SDCCAG8: variants seen among roughly 807,000 people sequenced by gnomAD.
SDCCAG8 encodes SHH signaling and ciliogenesis regulator SDCCAG8, also known as serologically defined colon cancer antigen 8.
SDCCAG8 carries 74 observed loss-of-function variants against 101.8 expected under a neutral mutation model. That is an observed-to-expected ratio of 0.73 (90% confidence interval 0.60 to 0.88). The LOEUF is 0.88. Ranked by LOEUF, SDCCAG8 falls within the 40% of genes least tolerant of loss-of-function variation. SDCCAG8 has a pLI of 0.00. For missense variants in SDCCAG8, 787 were observed against 822.6 expected (o/e 0.96, Z 0.53); for synonymous variants, 281 against 292.9 (o/e 0.96, Z 0.41).
intron 1 of SDCCAG8, 150 bp from the exon 2 acceptor site, chr1:243,269,955 T>A (rs2067950741): frequency 9.6e-7 from 1 of 1,046,488 alleles, no homozygotes; most frequent in Non-Finnish European, 1.4e-6. Flanking sequence ...CTTTGGCACA[T>A]CCCTCAGCAA....
chr1:243,447,701 GAGAGTC>G (rs1323831393), intron 16 of SDCCAG8, among the ~76,000 whole-genome samples: 1 of 152,152 alleles, frequency 6.6e-6, no homozygotes, highest in Non-Finnish European at 1.5e-5. Context: ...GTACTTTTTA[GAGAGTC>G]AGAATGTACA....
chr1:243,427,167 C>T (rs2148045468), intron 16 of SDCCAG8, among the ~76,000 whole-genome samples: 1 of 152,266 alleles, frequency 6.6e-6, no homozygotes, highest in East Asian at 1.9e-4. Flanking sequence ...AGGCCACCCA[C>T]TAAATGTCAT....
chr1:243,356,727 G>A lies in SDCCAG8; in HGVS notation c.1473+12396G>A, dbSNP rs190551918. ...ATGCTAGACATGGTGGCTTACTCCC[G>A]TAATCTTAGCACTTCAGGTGTCCCA... On this transcript the variant is annotated intron_variant, in intron 12 of 17. Transcript: ENST00000366541. Among the ~76,000 whole-genome samples, 21 of 152,052 alleles carry A rather than the reference G, an allele frequency of 1.4e-4. No individual in the cohort carries two copies. In the East Asian group the frequency reaches 2.5e-3, roughly 18 times the overall value.
chr1:243,498,608 C>G (rs1668664672), intron 17 of SDCCAG8, among the ~76,000 whole-genome samples: 1 of 152,250 alleles, frequency 6.6e-6, no homozygotes, highest in African/African-American at 2.4e-5. Flanking sequence ...GGGAAATCTA[C>G]TTGAAATGTA....
intron 6 of SDCCAG8, among the ~76,000 whole-genome samples, chr1:243,298,232 G>A (rs1367974320): frequency 1.3e-5 from 2 of 151,308 alleles, no homozygotes; most frequent in Non-Finnish European, 2.9e-5. Context: ...TGTATTTTTA[G>A]TAGAGACGGA....
In SDCCAG8 at chr1:243,474,938, A is replaced by G. The variant is rs899485681; in HGVS notation, c.1986-14076A>G. On this transcript the variant is annotated intron_variant, in intron 16 of 17. Coordinates refer to ENST00000366541, the MANE Select transcript of SDCCAG8 (RefSeq NM_006642.5). The surrounding 1 kb of genome is among the most constrained non-coding windows in gnomAD (Gnocchi z 4.7). ...TTTAGCAGTTGCTCTTTTCTGAAGC[A>G]GAAAATTATCTCTAGGGATGACTTA... Among the ~76,000 whole-genome samples, 2 of 152,352 alleles carry G rather than the reference A, an allele frequency of 1.3e-5. No homozygotes were observed. The highest frequency in any genetic ancestry group is 2.9e-5 in the Non-Finnish European group (2 of 68,038).
intron 9 of SDCCAG8, among the ~76,000 whole-genome samples, chr1:243,319,700 C>T (rs2073584960): frequency 6.6e-6 from 1 of 152,036 alleles, no homozygotes; most frequent in South Asian, 2.1e-4. Context: ...ACATCTGATC[C>T]TTTTCCTCTT....
intron 13 of SDCCAG8, among the ~76,000 whole-genome samples, chr1:243,383,387 G>A (rs928982386): frequency 2.1e-4 from 32 of 152,098 alleles, no homozygotes; most frequent in African/African-American, 7.5e-4. Context: ...TATAAAATGA[G>A]GTGAGGCTAG....
Position 243,332,631 on chromosome 1 carries a change from ACCCGGTCTGGAGGTGATTATCGCGGT to A in SDCCAG8, c.1221+1963_1221+1988del, listed in dbSNP as rs2074692735. Among the ~76,000 whole-genome samples, 5 of 126,984 alleles carry A rather than the reference ACCCGGTCTGGAGGTGATTATCGCGGT, an allele frequency of 3.9e-5. No homozygotes were observed. In the South Asian group the frequency reaches 1.0e-3, roughly 27 times the overall value. The allele number at this position is 126,984 out of a possible 152,430, so 83.3% of individuals were successfully genotyped here. A position where few individuals can be genotyped will look rare whatever the true frequency, so the allele number is the denominator to read the frequency against. On this transcript the variant is annotated intron_variant, in intron 10 of 17. Coordinates refer to ENST00000366541, the MANE Select transcript of SDCCAG8 (RefSeq NM_006642.5). ...CTCAGTCTGGAGGTGATTATCACAG[ACCCGGTCTGGAGGTGATTATCGCGGT>A]CCCGGTCTGGAGGTGATTATCGCAG...
chr1:243,483,136 C>G (rs1010782984), intron 16 of SDCCAG8, among the ~76,000 whole-genome samples: 1 of 152,316 alleles, frequency 6.6e-6, no homozygotes, highest in Non-Finnish European at 1.5e-5. Flanking sequence ...TTTCCAGGCC[C>G]GTGGCGACGG....
chr1:243,499,038 A>G (rs1272948601), intron 17 of SDCCAG8, among the ~76,000 whole-genome samples: 1 of 152,226 alleles, frequency 6.6e-6, no homozygotes, highest in Non-Finnish European at 1.5e-5. Context: ...AAACATTTCC[A>G]GTGGCTTCTG....
chr1:243,343,472 T>A (rs2147788704), intron 11 of SDCCAG8, among the ~76,000 whole-genome samples: 1 of 152,246 alleles, frequency 6.6e-6, no homozygotes, highest in East Asian at 1.9e-4. Context: ...TTCTTAGTGT[T>A]AAGTATAGAG....
intron 1 of SDCCAG8, chr1:243,267,899 T>C: frequency 8.9e-7 from 1 of 1,124,862 alleles, no homozygotes; most frequent in South Asian, 1.2e-5. Context: ...GTTGATAAAG[T>C]TGGTATCAAC....
At chr1:243,288,006 A>C (rs2149287924) in intron 5 of SDCCAG8, among the ~76,000 whole-genome samples, 1 of 152,332 alleles carries the variant, frequency 6.6e-6, no homozygotes. Context: ...GGTTTTAGAG[A>C]GGTTTTGTTG....
intron 13 of SDCCAG8, among the ~76,000 whole-genome samples, chr1:243,407,445 A>G (rs2079864149): frequency 6.6e-6 from 1 of 152,210 alleles, no homozygotes; most frequent in Non-Finnish European, 1.5e-5. Context: ...TAAAATAGAA[A>G]GTACAGACAT....
chr1:243,417,552 T>A (rs2080679163), intron 14 of SDCCAG8, among the ~76,000 whole-genome samples: 1 of 152,206 alleles, frequency 6.6e-6, no homozygotes, highest in South Asian at 2.1e-4. Flanking sequence ...TGAATTACAG[T>A]GTAGAAGAGA....
intron 17 of SDCCAG8, among the ~76,000 whole-genome samples, chr1:243,498,520 C>T (rs1040245337): frequency 6.7e-6 from 1 of 148,300 alleles, no homozygotes; most frequent in African/African-American, 2.7e-5. Context: ...CCCACCTACT[C>T]TAACTACCCT....
chr1:243,310,319 TTA>T (rs1490008695), intron 8 of SDCCAG8, among the ~76,000 whole-genome samples: 2 of 152,214 alleles, frequency 1.3e-5, no homozygotes, highest in African/African-American at 4.8e-5. Flanking sequence ...TAAACATTTA[TTA>T]TATGTCAACG....
intron 13 of SDCCAG8, among the ~76,000 whole-genome samples, chr1:243,408,045 T>G (rs186707105): frequency 6.6e-6 from 1 of 152,180 alleles, no homozygotes; most frequent in Non-Finnish European, 1.5e-5. Context: ...TGTTTTTGTT[T>G]TGTTTTATTT....
Sources: gnomAD v4.1 joint callset for allele counts (sites outside exome capture counted in the v4.1 genomes callset) on GRCh38, gnomAD v4.1.1 for gene constraint, Gnocchi (gnomAD v3.1) non-coding constraint, MANE v1.5 for transcripts, NCBI Gene and HGNC (gene_info 2026-07-23, HGNC 2026-07-21) for gene names.